The following CSKMT variants were observed in gnomAD, a reference collection of about 807,000 sequenced individuals.
The protein encoded by CSKMT is citrate synthase lysine methyltransferase, also known as citrate synthase-lysine N-methyltransferase CSKMT, mitochondrial.
In CSKMT, 6 loss-of-function variants were observed where a neutral mutation model predicts 4.6. The observed-to-expected ratio is 1.31, with a 90% CI of 0.72 to 2.59. The LOEUF (loss-of-function observed/expected upper bound fraction) is 2.59. Ranked by LOEUF, CSKMT falls within the 30% of genes most tolerant of loss-of-function variation. The pLI, the probability that CSKMT is intolerant of heterozygous loss-of-function variation, is 0.00. For synonymous variants in CSKMT, 142 were observed against 128.9 expected (o/e 1.10, Z -0.69); for missense variants, 328 against 298.0 (o/e 1.10, Z -0.74).
At chr11:62,666,324 C>T (rs762059150) in intron 2 of CSKMT, 72 bp from the exon 3 acceptor site, 25 of 1,478,212 alleles carry the variant, frequency 1.7e-5, no homozygotes, top group African/African-American at 2.8e-5. Context: ...AAAAAAAAGA[C>T]GCCAGTGTGT....
rs1944786769 is a variant in CSKMT, at chr11:62,665,651, G to A, written c.-229G>A. On this transcript the variant is annotated 5_prime_UTR_variant, in exon 2 of 3. Coordinates refer to ENST00000532971, the MANE Select transcript of CSKMT (RefSeq NM_001043229.2). The stretch of plus-strand genomic sequence containing the variant: ...CACTTTCTCATTTGATTTCAGGTCT[G>A]CGGACGCTGTATACCCTCCTCCACT... 6 of 1,500,252 alleles carry A rather than the reference G, an allele frequency of 4.0e-6. No individual in the cohort carries two copies. The highest frequency in any genetic ancestry group is 2.1e-5 in the Admixed American group (1 of 47,344). The allele number at this position is 1,500,252 out of a possible 1,614,324, so 92.9% of individuals were successfully genotyped here.
intron 1 of CSKMT, 73 bp downstream of exon 1, chr11:62,665,405 G>A (rs1172096665): frequency 7.2e-7 from 1 of 1,379,796 alleles, no homozygotes; most frequent in South Asian, 1.2e-5. Context: ...GGAAGGCTCT[G>A]GGCGGGGTCT....
At position 62,667,578 on chromosome 11, in the gene CSKMT, AACACGGGAGCCTGTTGAGT is replaced by A; in HGVS notation, c.*528_*546del. ...AATATTCCACAAAGCCACTTCTACA[AACACGGGAGCCTGTTGAGT>A]CCCAGAAGGGACAGTGGTTGGTGGC... On this transcript the variant is annotated 3_prime_UTR_variant, in exon 3 of 3. Coordinates refer to ENST00000532971, the MANE Select transcript of CSKMT (RefSeq NM_001043229.2). The A allele has an allele frequency of 1.2e-6, 2 of 1,614,212 alleles. No homozygotes were observed. The highest frequency in any genetic ancestry group is 1.7e-6 in the Non-Finnish European group (2 of 1,180,042).
rs746570653 is a variant in CSKMT, at chr11:62,666,757, C to G, written c.429C>G (p.Ala143=). Residue 143 remains alanine (A), a synonymous_variant, in exon 3 of 3, where the codon GCC becomes GCG. Transcript: ENST00000532971. ...HPASSLHFMH[A]DAQNLGAVAS... ...CCTCAAGCCTCCACTTCATGCACGC[C>G]GATGCTCAGAACCTGGGGGCTGTGG... is the stretch of plus-strand genomic sequence containing the variant. 6.2e-7 allele frequency: 1 copy of G among 1,614,154 alleles called. No homozygotes were observed. The highest frequency in any genetic ancestry group is 1.3e-5 in the African/African-American group (1 of 75,058).
Position 62,665,681 on chromosome 11 carries a change from G to C in CSKMT, c.-199G>C. ...CGCTGTATACCCTCCTCCACTTCCC[G>C]CTGCAGCCAATAAAGGCCGTTCCTA... On this transcript the variant is annotated 5_prime_UTR_variant, in exon 2 of 3. Coordinates refer to ENST00000532971, the MANE Select transcript of CSKMT (RefSeq NM_001043229.2). 2 of 1,459,272 alleles carry C rather than the reference G, an allele frequency of 1.4e-6. No individual in the cohort carries two copies. The highest frequency in any genetic ancestry group is 1.8e-6 in the Non-Finnish European group (2 of 1,106,666). The allele number at this position is 1,459,272 out of a possible 1,614,324, so 90.4% of individuals were successfully genotyped here.
At chr11:62,666,261 CATT>C (rs1565127096) in intron 2 of CSKMT, 132 bp from the exon 3 acceptor site, 1 of 900,070 alleles carries the variant, frequency 1.1e-6, no homozygotes. Context: ...AGTGAGCCAT[CATT>C]GTGCTACTGT....
Position 62,665,885 on chromosome 11 carries a change from C to T in CSKMT, c.6C>T (p.Ala2=). 2.5e-6 allele frequency: 4 copies of T among 1,613,446 alleles called. No individual in the cohort carries two copies. Among genetic ancestry groups the T allele is most frequent in the Non-Finnish European group, 3.4e-6 (4 of 1,179,722 alleles). The part of the protein sequence containing the change: M[A]ALRRMLHLPS... The stretch of plus-strand genomic sequence containing the variant: ...GAACTTACCCGAATCTCCAGATGGC[C>T]GCGCTGCGTCGAATGCTCCACTTGC... The change falls in exon 2 of 3, where the codon GCC becomes GCT. Residue 2 remains alanine (A), a synonymous_variant. Coordinates refer to ENST00000532971, the MANE Select transcript of CSKMT (RefSeq NM_001043229.2).
Position 62,665,677 on chromosome 11 carries a change from T to A in CSKMT, c.-203T>A. The A allele has an allele frequency of 4.1e-6, 6 of 1,460,604 alleles. No individual in the cohort carries two copies. Among genetic ancestry groups the A allele is most frequent in the Non-Finnish European group, 5.4e-6 (6 of 1,107,446 alleles). 90.5% of individuals were successfully genotyped at this position (1,460,604 alleles called of 1,614,324 possible). On this transcript the variant is annotated 5_prime_UTR_variant, in exon 2 of 3. Coordinates refer to ENST00000532971, the MANE Select transcript of CSKMT (RefSeq NM_001043229.2). Reference sequence around the variant, plus strand: ...CGGACGCTGTATACCCTCCTCCACTTCCCGCTGCAGCCAATAAAGGCCGTT... The same window carrying A: ...CGGACGCTGTATACCCTCCTCCACTACCCGCTGCAGCCAATAAAGGCCGTT...
chr11:62,666,611 AC>A lies in CSKMT; in HGVS notation c.285del (p.Lys96AsnfsTer21), dbSNP rs960009581. On this transcript the variant is annotated frameshift_variant, in exon 3 of 3. Coordinates refer to ENST00000532971, the MANE Select transcript of CSKMT (RefSeq NM_001043229.2). LOFTEE classifies it low-confidence loss of function (END_TRUNC). ...GTSSLCTGLY[T>X]KSPHPVDVLG... ...TTCCAGCCTATGTACAGGCCTCTACACCAAATCTCCACACCCAGTGGATGTG... is the reference window on the plus strand; with the variant it reads ...TTCCAGCCTATGTACAGGCCTCTACACAAATCTCCACACCCAGTGGATGTG... 1.2e-6 allele frequency: 2 copies of A among 1,614,008 alleles called. No homozygotes were observed. Among genetic ancestry groups the A allele is most frequent in the African/African-American group, 2.7e-5 (2 of 74,916 alleles).
At position 62,666,986 on chromosome 11, in the gene CSKMT, G is replaced by C; in HGVS notation, c.658G>C (p.Val220Leu). 1 of 1,614,074 alleles carries C rather than the reference G, an allele frequency of 6.2e-7. No homozygotes were observed. Among genetic ancestry groups the C allele is most frequent in the Non-Finnish European group, 8.5e-7 (1 of 1,179,988 alleles). ...EQGSYGWTVT[V>L]QELGPFRGIT... ...AGGGTCCTATGGCTGGACTGTGACT[G>C]TGCAGGAGCTAGGCCCGTTCAGGGG... The change falls in exon 3 of 3, where the codon GTG (valine) becomes CTG (leucine). Residue 220 changes from valine to leucine, a missense_variant. Transcript: ENST00000532971.
rs1028254259 is a variant in CSKMT, at chr11:62,666,195, C to G, written c.68-201C>G. 3 of 718,294 alleles carry G rather than the reference C, an allele frequency of 4.2e-6. No individual in the cohort carries two copies. In the African/African-American group the frequency reaches 5.4e-5, roughly 13 times the overall value. The allele number at this position is 718,294 out of a possible 1,614,324, so 44.5% of individuals were successfully genotyped here. On this transcript the variant is annotated intron_variant, in intron 2 of 2. Transcript: ENST00000532971. The stretch of plus-strand genomic sequence containing the variant: ...AGACCCTGTCTACAAAAAAAATTAA[C>G]CGGGCACGATGGCGCCTATAGTCCT...
rs1944841980 is a variant in CSKMT, at chr11:62,667,135, A to T, written c.*84A>T. 19 of 1,408,032 alleles carry T rather than the reference A, an allele frequency of 1.3e-5. No homozygotes were observed. Among genetic ancestry groups the T allele is most frequent in the Non-Finnish European group, 1.6e-5 (17 of 1,039,394 alleles). 87.2% of individuals were successfully genotyped at this position (1,408,032 alleles called of 1,614,324 possible). On this transcript the variant is annotated 3_prime_UTR_variant, in exon 3 of 3. Coordinates refer to ENST00000532971, the MANE Select transcript of CSKMT (RefSeq NM_001043229.2). ...TGTCTTTGCAAGCTATCTGGCTGCA[A>T]AGTGAGAATTTGAGTCCTGGCTTCC...
rs766009048 is a variant in CSKMT, at chr11:62,667,447, G to C, written c.*396G>C. 2 of 1,463,186 alleles carry C rather than the reference G, an allele frequency of 1.4e-6. No homozygotes were observed. Among genetic ancestry groups the C allele is most frequent in the South Asian group, 2.3e-5 (2 of 87,492 alleles). The allele number at this position is 1,463,186 out of a possible 1,614,324, so 90.6% of individuals were successfully genotyped here. A position where few individuals can be genotyped will look rare whatever the true frequency, so the allele number is the denominator to read the frequency against. The stretch of plus-strand genomic sequence containing the variant: ...GCCTCATTTTTGTCACCTGTAAAAG[G>C]AGATTGTAAGAGGATGGGTATAAGG... On this transcript the variant is annotated 3_prime_UTR_variant, in exon 3 of 3. Transcript: ENST00000532971.
intron 2 of CSKMT, 38 bp from the exon 3 acceptor site, chr11:62,666,358 G>T: frequency 6.3e-7 from 1 of 1,599,546 alleles, no homozygotes. Flanking sequence ...TTGCAGTGGC[G>T]ACATAGACCA....
intron 2 of CSKMT, 110 bp downstream of exon 2, chr11:62,666,056 C>A: frequency 7.9e-7 from 1 of 1,267,786 alleles, no homozygotes. Context: ...GATTCTCAAA[C>A]CCTACGGTGG....
intron 2 of CSKMT, 68 bp downstream of exon 2, chr11:62,666,014 T>C (rs1944798993): frequency 6.5e-7 from 1 of 1,527,780 alleles, no homozygotes; most frequent in East Asian, 2.3e-5. Context: ...GGTGGGTTCC[T>C]CGTGAGTCAG....
intron 2 of CSKMT, 30 bp downstream of exon 2, chr11:62,665,976 C>G (rs367863343): frequency 6.3e-7 from 1 of 1,588,054 alleles, no homozygotes; most frequent in Admixed American, 1.7e-5. Flanking sequence ...GTGGAGAGGG[C>G]AAGGTGGGGG....
Position 62,667,126 on chromosome 11 carries a change from C to T in CSKMT, c.*75C>T. ...CTGAAGAACTGTCTTTGCAAGCTAT[C>T]TGGCTGCAAAGTGAGAATTTGAGTC... On this transcript the variant is annotated 3_prime_UTR_variant, in exon 3 of 3. Coordinates refer to ENST00000532971, the MANE Select transcript of CSKMT (RefSeq NM_001043229.2). The T allele has an allele frequency of 1.4e-6, 2 of 1,433,478 alleles. No individual in the cohort carries two copies. Among genetic ancestry groups the T allele is most frequent in the Non-Finnish European group, 1.9e-6 (2 of 1,061,134 alleles). The allele number at this position is 1,433,478 out of a possible 1,614,324, so 88.8% of individuals were successfully genotyped here.
Position 62,666,702 on chromosome 11 carries a change from G to A in CSKMT, c.374G>A (p.Gly125Asp), listed in dbSNP as rs746500626. Reference sequence around the variant, plus strand: ...AATAGCCTCCTGGAGGGTGGCCCAGGCCAAACACCTCTATGCCCTGGACAC... The same window carrying A: ...AATAGCCTCCTGGAGGGTGGCCCAGACCAAACACCTCTATGCCCTGGACAC... The part of the protein sequence containing the change: ...HMNSLLEGGP[G>D]QTPLCPGHPA... The change falls in exon 3 of 3, where the codon GGC becomes GAC. Residue 125 changes from glycine (G) to aspartate (D), a missense_variant. Gly to Asp is a moderately conservative substitution (Grantham distance 94). Coordinates refer to ENST00000532971, the MANE Select transcript of CSKMT (RefSeq NM_001043229.2). The A allele has an allele frequency of 5.0e-6, 8 of 1,614,018 alleles. No homozygotes were observed. Among genetic ancestry groups the A allele is most frequent in the Non-Finnish European group, 3.4e-6 (4 of 1,180,010 alleles).
Sources: gnomAD v4.1 joint callset for allele counts on GRCh38, gnomAD v4.1.1 for gene constraint, MANE v1.5 for transcripts, NCBI Gene and HGNC (gene_info 2026-07-23, HGNC 2026-07-21) for gene names.